The following PIK3C2G variants were observed in gnomAD, a reference collection of about 807,000 sequenced individuals.
PIK3C2G encodes the protein phosphatidylinositol-4-phosphate 3-kinase catalytic subunit type 2 gamma, also known as phosphatidylinositol 3-kinase C2 domain-containing subunit gamma.
A neutral mutation model predicts 181.1 loss-of-function variants in PIK3C2G; 168 were observed. That is an observed-to-expected ratio of 0.93 (90% CI 0.82 to 1.05). The LOEUF is 1.05. Ranked by LOEUF, PIK3C2G falls within the 50% of genes least tolerant of loss-of-function variation. The pLI is 0.00. For missense variants in PIK3C2G, 1,869 were observed against 1,732.8 expected (o/e 1.08, Z -1.40); for synonymous variants, 573 against 592.2 (o/e 0.97, Z 0.47).
At chr12:18,690,284 T>G in the PIK3C2G span, among the ~76,000 whole-genome samples, 1 of 152,088 alleles carries the variant, frequency 6.6e-6, no homozygotes, top group Non-Finnish European at 1.5e-5. Context: ...AGTGCAACGG[T>G]GCGACCTCGG....
At position 18,472,665 on chromosome 12, in the gene PIK3C2G, C is replaced by T. The variant is rs572162012; in HGVS notation, c.2505-15784C>T. 3.9e-5 allele frequency among the ~76,000 whole-genome samples: 6 copies of T among 152,122 alleles called. No homozygotes were observed. In the South Asian group the frequency reaches 1.0e-3, roughly 26 times the overall value. ...TTCTCTCTTGGCTTCAATTGTTGCC[C>T]CTCTAAAAATAGAAAAGTTTATCTA... On this transcript the variant is annotated intron_variant, in intron 18 of 32. Transcript: ENST00000538779.
chr12:18,635,496 C>T (rs763594778), intron 31 of PIK3C2G, among the ~76,000 whole-genome samples: 5 of 152,132 alleles, frequency 3.3e-5, no homozygotes, highest in Admixed American at 6.5e-5. Context: ...TGGTGGCCCA[C>T]GGTTGAGCAT....
intron 30 of PIK3C2G, among the ~76,000 whole-genome samples, chr12:18,599,695 A>G (rs1201932153): frequency 6.6e-6 from 1 of 151,012 alleles, no homozygotes; most frequent in African/African-American, 2.4e-5. Context: ...AAAAAATAAA[A>G]ATAAAAATAA....
chr12:18,435,821 A>G (rs1946413642), intron 18 of PIK3C2G, among the ~76,000 whole-genome samples: 2 of 152,046 alleles, frequency 1.3e-5, no homozygotes, highest in South Asian at 4.1e-4. Flanking sequence ...TCAAGATTTT[A>G]TCCTCTTTGA....
At chr12:18,282,907 T>C (rs1261519027) in intron 2 of PIK3C2G, 148 bp downstream of exon 2, 1 of 469,080 alleles carries the variant, frequency 2.1e-6, no homozygotes, top group Non-Finnish European at 3.6e-6. Context: ...AAATGATGTG[T>C]TCTTGTATTA....
intron 5 of PIK3C2G, among the ~76,000 whole-genome samples, chr12:18,307,294 T>C (rs947658136): frequency 4.0e-5 from 6 of 151,674 alleles, no homozygotes; most frequent in Non-Finnish European, 7.4e-5. Context: ...AGATAGTAAC[T>C]AGCAGATAGA....
At chr12:18,421,103 A>G in intron 17 of PIK3C2G, 69 bp downstream of exon 17, 2 of 863,746 alleles carry the variant, frequency 2.3e-6, no homozygotes, top group Non-Finnish European at 3.9e-6. Flanking sequence ...TTCCTAATGA[A>G]TCAACAATAG....
At chr12:18,309,547 G>C (rs1174584452) in intron 5 of PIK3C2G, among the ~76,000 whole-genome samples, 1 of 151,608 alleles carries the variant, frequency 6.6e-6, no homozygotes, top group African/African-American at 2.4e-5. Flanking sequence ...CATGAAAAAA[G>C]TTACTTCTTT....
intron 5 of PIK3C2G, among the ~76,000 whole-genome samples, chr12:18,304,323 C>G (rs1387577667): frequency 6.6e-6 from 1 of 152,084 alleles, no homozygotes; most frequent in Non-Finnish European, 1.5e-5. Context: ...GTGGCACAAT[C>G]TCGTCTCACT....
chr12:18,618,910 G>GA (rs981971516), intron 31 of PIK3C2G, among the ~76,000 whole-genome samples: 42 of 151,970 alleles, frequency 2.8e-4, no homozygotes, highest in Non-Finnish European at 5.4e-4. Context: ...GAACGTAGAG[G>GA]AAAAAAGATT....
At chr12:18,423,850 G>C in intron 17 of PIK3C2G, 95 bp from the exon 18 acceptor site, 2 of 728,034 alleles carry the variant, frequency 2.7e-6, no homozygotes, top group East Asian at 2.7e-5. Flanking sequence ...TATGCATGCT[G>C]TTTTCTCTAG....
the PIK3C2G span, among the ~76,000 whole-genome samples, chr12:18,704,349 G>C: frequency 4.6e-5 from 7 of 152,146 alleles, no homozygotes; most frequent in East Asian, 1.4e-3. Context: ...CAATATGAAG[G>C]AGTTTTGTTC....
chr12:18,305,976 G>A (rs1173042732), intron 5 of PIK3C2G, among the ~76,000 whole-genome samples: 1 of 149,814 alleles, frequency 6.7e-6, no homozygotes, highest in African/African-American at 2.5e-5. Flanking sequence ...CATTTATATA[G>A]TTATGTTACT....
At chr12:18,266,425 T>G (rs1403459534) in intron 1 of PIK3C2G, among the ~76,000 whole-genome samples, 4 of 152,174 alleles carry the variant, frequency 2.6e-5, no homozygotes, top group African/African-American at 9.7e-5. Context: ...AATCTAAGAC[T>G]CCACCTTGCT....
At chr12:18,589,540 T>C (rs1357090882) in intron 29 of PIK3C2G, among the ~76,000 whole-genome samples, 1 of 151,932 alleles carries the variant, frequency 6.6e-6, no homozygotes, top group African/African-American at 2.4e-5. Context: ...GTATAGTCAG[T>C]AGACATGCTA....
intron 24 of PIK3C2G, among the ~76,000 whole-genome samples, chr12:18,524,247 G>A (rs1943095111): frequency 1.3e-5 from 2 of 152,206 alleles, no homozygotes; most frequent in Admixed American, 1.3e-4. Flanking sequence ...GAAATTATCT[G>A]TGGATGATGC....
chr12:18,673,146 G>A, the PIK3C2G span, among the ~76,000 whole-genome samples: 1 of 152,140 alleles, frequency 6.6e-6, no homozygotes, highest in Non-Finnish European at 1.5e-5. Flanking sequence ...TTAAGGAACA[G>A]GGGAATTTAT....
chr12:18,381,371 A>G (rs1942822929), intron 13 of PIK3C2G, among the ~76,000 whole-genome samples: 1 of 151,918 alleles, frequency 6.6e-6, no homozygotes, highest in South Asian at 2.1e-4. Flanking sequence ...CACTCCATGG[A>G]GCAAAATATG....
At chr12:18,458,875 C>T (rs895723926) in intron 18 of PIK3C2G, among the ~76,000 whole-genome samples, 10 of 150,718 alleles carry the variant, frequency 6.6e-5, no homozygotes, top group African/African-American at 1.5e-4. Context: ...AAAAAGGAAG[C>T]GGGGAGGGGC....
Sources: gnomAD v4.1 joint callset for allele counts (sites outside exome capture counted in the v4.1 genomes callset) on GRCh38, gnomAD v4.1.1 for gene constraint, MANE v1.5 for transcripts, NCBI Gene and HGNC (gene_info 2026-07-23, HGNC 2026-07-21) for gene names.